The following LRP1B variants were observed in gnomAD, a reference collection of about 807,000 sequenced individuals.
LRP1B encodes low-density lipoprotein receptor-related protein 1B.
In LRP1B, 217 loss-of-function variants were observed where a neutral mutation model predicts 556.6. The observed-to-expected ratio is 0.39, with a 90% CI of 0.35 to 0.44. LRP1B has a LOEUF of 0.44. Ranked by LOEUF, LRP1B falls within the 20% of genes least tolerant of loss-of-function variation. The pLI, the probability that LRP1B is intolerant of heterozygous loss-of-function variation, is 1.00. For synonymous variants in LRP1B, 2,047 were observed against 1,865.8 expected (o/e 1.10, Z -2.50); for missense variants, 5,053 against 5,620.8 (o/e 0.90, Z 3.23).
chr2:141,123,699 T>C (rs923562400), intron 7 of LRP1B, among the ~76,000 whole-genome samples: 14 of 152,142 alleles, frequency 9.2e-5, no homozygotes, highest in African/African-American at 3.4e-4. Context: ...CAGTTAAATA[T>C]TCCAATCCAA....
At chr2:141,815,352 T>C (rs1696502608) in intron 1 of LRP1B, among the ~76,000 whole-genome samples, 1 of 152,154 alleles carries the variant, frequency 6.6e-6, no homozygotes, top group Non-Finnish European at 1.5e-5. Context: ...GCCAGCTGGG[T>C]CGAGTGAGGA....
intron 1 of LRP1B, among the ~76,000 whole-genome samples, chr2:142,109,105 G>C (rs1023084095): frequency 6.6e-6 from 1 of 152,144 alleles, no homozygotes; most frequent in Non-Finnish European, 1.5e-5. Context: ...TGTCTTACTT[G>C]AAAATGTATT....
chr2:140,939,510 A>G (rs1695330972), intron 20 of LRP1B, among the ~76,000 whole-genome samples: 1 of 148,042 alleles, frequency 6.8e-6, no homozygotes, highest in Non-Finnish European at 1.5e-5. Context: ...ATATAAAATT[A>G]TATTATAAAT....
chr2:140,601,932 T>C (rs541182388), intron 41 of LRP1B, among the ~76,000 whole-genome samples: 1 of 152,246 alleles, frequency 6.6e-6, no homozygotes, highest in African/African-American at 2.4e-5. Context: ...CTCTTTCTTG[T>C]ATCTTAATCA....
At chr2:140,736,420 G>A (rs1252293438) in intron 35 of LRP1B, among the ~76,000 whole-genome samples, 1 of 152,068 alleles carries the variant, frequency 6.6e-6, no homozygotes, top group East Asian at 1.9e-4. Flanking sequence ...GCATTGCCAA[G>A]TCAATCCTAA....
At chr2:141,610,255 C>T (rs1688061058) in intron 2 of LRP1B, among the ~76,000 whole-genome samples, 1 of 111,402 alleles carries the variant, frequency 9.0e-6, no homozygotes, top group Non-Finnish European at 2.1e-5. Flanking sequence ...CAGCATGACA[C>T]ATGTATACAT....
At chr2:140,525,767 A>T (rs1690404853) in intron 49 of LRP1B, 77 bp downstream of exon 49, 4 of 1,377,998 alleles carry the variant, frequency 2.9e-6, no homozygotes, top group Non-Finnish European at 4.0e-6. Context: ...ATAAAATTTT[A>T]AAAATTCACT....
intron 2 of LRP1B, among the ~76,000 whole-genome samples, chr2:141,771,649 C>T (rs1244358619): frequency 2.6e-5 from 4 of 152,022 alleles, no homozygotes; most frequent in Admixed American, 6.6e-5. Flanking sequence ...TTTGTGTCCC[C>T]TCAACAGTCA....
chr2:140,523,131 A>C (rs189988898), intron 49 of LRP1B, among the ~76,000 whole-genome samples: 1 of 152,134 alleles, frequency 6.6e-6, no homozygotes, highest in East Asian at 1.9e-4. Flanking sequence ...GAACATAGGA[A>C]CAAAAACCTT....
chr2:142,072,326 C>T (rs766031016), intron 1 of LRP1B, among the ~76,000 whole-genome samples: 2 of 151,932 alleles, frequency 1.3e-5, no homozygotes, highest in Non-Finnish European at 2.9e-5. Context: ...TGGGTAAATT[C>T]CATACCCTGC....
At chr2:141,166,367 CTT>C (rs35200370) in intron 7 of LRP1B, among the ~76,000 whole-genome samples, 41 of 132,708 alleles carry the variant, frequency 3.1e-4, no homozygotes, top group South Asian at 4.7e-4. Flanking sequence ...CTCTCTCATT[CTT>C]TTTTTTTTTT....
chr2:140,903,482 A>G (rs188200856), intron 22 of LRP1B, among the ~76,000 whole-genome samples: 129 of 152,212 alleles, frequency 8.5e-4, no homozygotes, highest in African/African-American at 3.0e-3. Flanking sequence ...TGGAAAGATT[A>G]TGCTGAGCCT....
intron 2 of LRP1B, among the ~76,000 whole-genome samples, chr2:141,501,698 T>C (rs574080899): frequency 6.6e-6 from 1 of 152,282 alleles, no homozygotes; most frequent in African/African-American, 2.4e-5. Flanking sequence ...ATATGGGATG[T>C]ATTCATGATG....
In LRP1B at chr2:141,596,644, A is replaced by G. The variant is rs139307268; in HGVS notation, c.206-116111T>C. On this transcript the variant is annotated intron_variant, in intron 2 of 90. Transcript: ENST00000389484. Reference sequence around the variant, plus strand: ...TTCTAGATTTAAAAGACTTGCTAACAAATTTCATCACTTGAAAAGGATTCT... The same window carrying G: ...TTCTAGATTTAAAAGACTTGCTAACGAATTTCATCACTTGAAAAGGATTCT... 1.8e-3 allele frequency among the ~76,000 whole-genome samples: 281 copies of G among 152,156 alleles called. 2 individuals carry two copies. Among genetic ancestry groups the G allele is most frequent in the African/African-American group, 6.5e-3 (271 of 41,558 alleles).
chr2:142,117,315 G>C (rs753202309), intron 1 of LRP1B, among the ~76,000 whole-genome samples: 2 of 152,056 alleles, frequency 1.3e-5, no homozygotes, highest in Non-Finnish European at 2.9e-5. Flanking sequence ...TTTAGCAAGG[G>C]GGAGGAAGAT....
At chr2:140,460,150 T>C (rs1169783568) in intron 60 of LRP1B, among the ~76,000 whole-genome samples, 1 of 152,218 alleles carries the variant, frequency 6.6e-6, no homozygotes, top group Non-Finnish European at 1.5e-5. Flanking sequence ...AGAAAAAAAC[T>C]AGTAAATAAA....
chr2:141,377,438 G>A (rs1168221542), intron 3 of LRP1B, among the ~76,000 whole-genome samples: 3 of 151,884 alleles, frequency 2.0e-5, no homozygotes, highest in Non-Finnish European at 4.4e-5. Flanking sequence ...GGATTGTCAT[G>A]TTGAACAGTA....
intron 11 of LRP1B, among the ~76,000 whole-genome samples, chr2:141,020,356 A>T (rs1698030512): frequency 6.6e-6 from 1 of 152,084 alleles, no homozygotes; most frequent in Admixed American, 6.6e-5. Context: ...AATCATGGTC[A>T]TTAACTCAGA....
At chr2:140,683,531 T>C (rs1685937616) in intron 41 of LRP1B, 1 of 622,522 alleles carries the variant, frequency 1.6e-6, no homozygotes, top group Non-Finnish European at 3.1e-6. Flanking sequence ...CAGCATCATA[T>C]GGATTTCCTT....
Sources: gnomAD v4.1 joint callset for allele counts (sites outside exome capture counted in the v4.1 genomes callset) on GRCh38, gnomAD v4.1.1 for gene constraint, MANE v1.5 for transcripts, NCBI Gene and HGNC (gene_info 2026-07-23, HGNC 2026-07-21) for gene names.